CSMD1: variants seen among roughly 807,000 people sequenced by gnomAD.
CSMD1 encodes the protein CUB and sushi domain-containing protein 1.
In CSMD1, 213 loss-of-function variants were observed where a neutral mutation model predicts 417.5. The observed-to-expected ratio is 0.51, with a 90% CI of 0.46 to 0.57. CSMD1 has a LOEUF of 0.57. Among genes scored for constraint, CSMD1 ranks in the 20% least tolerant of loss-of-function variants. The pLI, the probability that CSMD1 is intolerant of heterozygous loss-of-function variation, is 0.00. For missense variants in CSMD1, 6,923 were observed against 4,529.7 expected (o/e 1.53, Z -15.17); for synonymous variants, 2,862 against 1,736.8 (o/e 1.65, Z -16.11).
chr8:2,948,996 G>T (rs545660669), intron 68 of CSMD1, among the ~76,000 whole-genome samples: 1 of 149,952 alleles, frequency 6.7e-6, no homozygotes, highest in African/African-American at 2.5e-5. Context: ...AGAACTCTTA[G>T]TTTTCTTTGG....
chr8:4,177,686 G>A (rs908596359), intron 3 of CSMD1, among the ~76,000 whole-genome samples: 11 of 141,150 alleles, frequency 7.8e-5, no homozygotes, highest in Admixed American at 2.9e-4. Flanking sequence ...CCGCTAGCAA[G>A]ACTAACAAAG....
chr8:4,905,812 T>G (rs376725231), intron 1 of CSMD1, among the ~76,000 whole-genome samples: 42 of 110,248 alleles, frequency 3.8e-4, no homozygotes, highest in Admixed American at 4.9e-4. Context: ...AGAGCGAGAC[T>G]CCATCTCAAA....
chr8:4,745,779 G>C (rs1417700508), intron 1 of CSMD1, among the ~76,000 whole-genome samples: 1 of 152,122 alleles, frequency 6.6e-6, no homozygotes, highest in Non-Finnish European at 1.5e-5. Flanking sequence ...ACGCATTTTT[G>C]AACTTCTACC....
chr8:4,457,975 G>C (rs980967004), intron 2 of CSMD1, among the ~76,000 whole-genome samples: 2 of 152,252 alleles, frequency 1.3e-5, no homozygotes, highest in East Asian at 3.9e-4. Flanking sequence ...TACTTCTTTG[G>C]TTGGTGGCAC....
At chr8:4,039,982 C>A (rs962190746) in intron 3 of CSMD1, among the ~76,000 whole-genome samples, 7 of 152,178 alleles carry the variant, frequency 4.6e-5, no homozygotes, top group African/African-American at 1.7e-4. Context: ...AATCAGGGCA[C>A]TCGGTACAGG....
rs1485576392 is a variant in CSMD1, at chr8:3,772,386, T to A, written c.819-18344A>T. Among the ~76,000 whole-genome samples, 50 of 134,866 alleles carry A rather than the reference T, an allele frequency of 3.7e-4. 2 individuals are homozygous for A. Among genetic ancestry groups the A allele is most frequent in the South Asian group, 6.5e-4 (3 of 4,598 alleles). The allele number at this position is 134,866 out of a possible 152,430, so 88.5% of individuals were successfully genotyped here. ...ATACATATATACATATATTCATATA[T>A]TTATATATACACATATATACATATA... On this transcript the variant is annotated intron_variant, in intron 5 of 69. Transcript: ENST00000635120.
chr8:4,157,632 G>A (rs147472219), intron 3 of CSMD1, among the ~76,000 whole-genome samples: 1 of 152,288 alleles, frequency 6.6e-6, no homozygotes, highest in Non-Finnish European at 1.5e-5. Context: ...TTGATTTTCA[G>A]AACAGCTCAG....
intron 1 of CSMD1, among the ~76,000 whole-genome samples, chr8:4,934,339 T>G (rs1807456528): frequency 6.6e-6 from 1 of 152,226 alleles, no homozygotes; most frequent in Admixed American, 6.5e-5. Context: ...CCCTATGTAT[T>G]AAATTCAAAA....
At position 3,407,940 on chromosome 8, in the gene CSMD1, T is replaced by A; in HGVS notation, c.2030A>T (p.Asp677Val). Residue 677 changes from aspartate to valine, a missense_variant, in exon 14 of 70, where the codon GAC becomes GTC. Asp to Val is a radical substitution (Grantham distance 152). Transcript: ENST00000635120. The part of the protein sequence containing the change: ...GHIVRLEFQS[D>V]HSTTGRGFNI... ...GAACCCTCTGCCAGTAGTGGAATGG[T>A]CAGACTGAAATTCCAAGCGAACTAT... 1 of 1,613,300 alleles carries A rather than the reference T, an allele frequency of 6.2e-7. No homozygotes were observed. Among genetic ancestry groups the A allele is most frequent in the Non-Finnish European group, 8.5e-7 (1 of 1,179,588 alleles).
chr8:4,360,633 G>A (rs1331898881), intron 3 of CSMD1, among the ~76,000 whole-genome samples: 1 of 145,304 alleles, frequency 6.9e-6, no homozygotes. Flanking sequence ...GAGACTACAG[G>A]CTGCCCGCCA....
At chr8:4,938,564 A>C (rs1807773700) in intron 1 of CSMD1, among the ~76,000 whole-genome samples, 1 of 152,190 alleles carries the variant, frequency 6.6e-6, no homozygotes, top group African/African-American at 2.4e-5. Flanking sequence ...CCCTGCCCTC[A>C]CACAGTTGTC....
intron 5 of CSMD1, among the ~76,000 whole-genome samples, chr8:3,903,599 T>G (rs1237415056): frequency 1.3e-5 from 2 of 152,158 alleles, no homozygotes; most frequent in Non-Finnish European, 2.9e-5. Flanking sequence ...CATACTTAGT[T>G]CACTACTCTA....
intron 1 of CSMD1, among the ~76,000 whole-genome samples, chr8:4,905,070 T>C (rs1805150549): frequency 6.6e-6 from 1 of 152,184 alleles, no homozygotes. Context: ...AACATTTCTC[T>C]GCCAGCATAG....
intron 17 of CSMD1, among the ~76,000 whole-genome samples, chr8:3,389,316 G>C (rs1329405582): frequency 6.6e-6 from 1 of 151,990 alleles, no homozygotes; most frequent in Non-Finnish European, 1.5e-5. Context: ...CCCTCTATGT[G>C]TCCATGTGTT....
At chr8:3,507,663 C>G (rs148040363) in intron 10 of CSMD1, among the ~76,000 whole-genome samples, 6,121 of 152,238 alleles carry the variant, frequency 0.04, 413 homozygotes, top group African/African-American at 0.14. Context: ...CTTTTCAGCA[C>G]CTGTTGTTTC....
At chr8:3,827,002 G>C (rs897047242) in intron 5 of CSMD1, among the ~76,000 whole-genome samples, 1 of 151,996 alleles carries the variant, frequency 6.6e-6, no homozygotes, top group East Asian at 1.9e-4. Context: ...AGCTGGTCTT[G>C]AACTCCTGAT....
chr8:4,748,676 G>C (rs552124307), intron 1 of CSMD1, among the ~76,000 whole-genome samples: 92 of 152,286 alleles, frequency 6.0e-4, no homozygotes, highest in African/African-American at 2.0e-3. Context: ...TAAAATTCAA[G>C]TTTGTAGGGG....
At chr8:4,059,118 A>G (rs1350972720) in intron 3 of CSMD1, among the ~76,000 whole-genome samples, 12 of 152,236 alleles carry the variant, frequency 7.9e-5, no homozygotes, top group Admixed American at 7.9e-4. Flanking sequence ...CAATCAAACT[A>G]GAACTCAGGA....
chr8:3,340,837 G>C (rs1807595228), intron 23 of CSMD1, among the ~76,000 whole-genome samples: 1 of 152,154 alleles, frequency 6.6e-6, no homozygotes, highest in Non-Finnish European at 1.5e-5. Context: ...TTGCAAAGGA[G>C]ACCTGAGGAG....
Sources: allele counts gnomAD v4.1 joint callset (sites outside exome capture counted in the v4.1 genomes callset), GRCh38; gene constraint gnomAD v4.1.1; transcripts MANE v1.5; gene names NCBI Gene and HGNC (gene_info 2026-07-23, HGNC 2026-07-21).